The following EEPD1 variants were observed in gnomAD, a reference collection of about 807,000 sequenced individuals.
EEPD1 encodes endonuclease/exonuclease/phosphatase family domain containing 1.
In EEPD1, 17 loss-of-function variants were observed where a neutral mutation model predicts 46.3. The ratio of observed to expected loss-of-function variants is 0.37; its 90% CI spans 0.25 to 0.55. EEPD1 has a LOEUF of 0.55. Ranked by LOEUF, EEPD1 falls within the 20% of genes least tolerant of loss-of-function variation. The pLI is 0.83. For missense variants in EEPD1, 673 were observed against 745.6 expected (o/e 0.90, Z 1.13); for synonymous variants, 313 against 315.6 (o/e 0.99, Z 0.09).
Position 36,284,710 on chromosome 7 carries a change from T to G in EEPD1, c.1066T>G (p.Trp356Gly). ...QKGAGYAGFLWDAAAGMELRD... is the reference protein window; with the variant it reads ...QKGAGYAGFLGDAAAGMELRD... ...GGGAGCTGGGTATGCAGGATTCCTA[T>G]GGGACGCGGCTGCCGGCATGGAGCT... The change falls in exon 5 of 8, where the codon TGG becomes GGG. Residue 356 changes from tryptophan to glycine, a missense_variant. By Grantham distance (184) the Trp-to-Gly change is radical (BLOSUM62 -2). Coordinates refer to ENST00000242108, the MANE Select transcript of EEPD1 (RefSeq NM_030636.3). The G allele has an allele frequency of 6.2e-7, 1 of 1,612,198 alleles. No individual in the cohort carries two copies. The highest frequency in any genetic ancestry group is 8.5e-7 in the Non-Finnish European group (1 of 1,179,150).
Position 36,217,476 on chromosome 7 carries a change from CTT to C in EEPD1, c.879-21506_879-21505del, listed in dbSNP as rs571244980. ...TGGGCCAGCTTCTTTACTGCAGCCTCTTTTATCAGCAAGGTCTTCATGACCTG... is the reference window on the plus strand; with the variant it reads ...TGGGCCAGCTTCTTTACTGCAGCCTCTTATCAGCAAGGTCTTCATGACCTG... On this transcript the variant is annotated intron_variant, in intron 2 of 7. Coordinates refer to ENST00000242108, the MANE Select transcript of EEPD1 (RefSeq NM_030636.3). 7.2e-5 allele frequency among the ~76,000 whole-genome samples: 11 copies of C among 152,328 alleles called. No individual in the cohort carries two copies. In the South Asian group the frequency reaches 2.3e-3, roughly 32 times the overall value.
At chr7:36,290,996 T>C (rs1210403229) in intron 6 of EEPD1, among the ~76,000 whole-genome samples, 4 of 152,200 alleles carry the variant, frequency 2.6e-5, no homozygotes, top group African/African-American at 9.7e-5. Context: ...ACATGAGTTG[T>C]AAGAAATCCG....
At chr7:36,168,954 A>G (rs973886743) in intron 2 of EEPD1, among the ~76,000 whole-genome samples, 1 of 152,216 alleles carries the variant, frequency 6.6e-6, no homozygotes, top group Non-Finnish European at 1.5e-5. Context: ...GATATTGCTT[A>G]TAAATTGTAT....
chr7:36,195,064 A>C (rs978654637), intron 2 of EEPD1, among the ~76,000 whole-genome samples: 1 of 152,190 alleles, frequency 6.6e-6, no homozygotes, highest in Non-Finnish European at 1.5e-5. Context: ...GGTAGTGATC[A>C]GGTGTCATGG....
At chr7:36,177,347 G>T (rs1785199821) in intron 2 of EEPD1, among the ~76,000 whole-genome samples, 1 of 151,774 alleles carries the variant, frequency 6.6e-6, no homozygotes, top group Non-Finnish European at 1.5e-5. Flanking sequence ...GCTGAGGTTT[G>T]GGGTATGAAT....
At chr7:36,205,322 T>C (rs1449982786) in intron 2 of EEPD1, among the ~76,000 whole-genome samples, 1 of 152,242 alleles carries the variant, frequency 6.6e-6, no homozygotes. Context: ...TAGTCATGTA[T>C]TATTTGTATA....
At chr7:36,168,297 G>A (rs1785019725) in intron 2 of EEPD1, among the ~76,000 whole-genome samples, 1 of 152,198 alleles carries the variant, frequency 6.6e-6, no homozygotes, top group Non-Finnish European at 1.5e-5. Flanking sequence ...CTTCAGTGAG[G>A]TGAGTAAACT....
intron 6 of EEPD1, among the ~76,000 whole-genome samples, chr7:36,292,887 C>A (rs1787470442): frequency 6.6e-6 from 1 of 152,022 alleles, no homozygotes. Context: ...TTCCTCCTAG[C>A]TAATTTGGAT....
At chr7:36,240,871 C>T (rs546815468) in intron 3 of EEPD1, among the ~76,000 whole-genome samples, 215 of 152,184 alleles carry the variant, frequency 1.4e-3, no homozygotes, top group South Asian at 2.3e-3. Flanking sequence ...TCATAAGGAG[C>T]GCACAATCTG....
rs1787618267 is a variant in EEPD1 at position 36,301,211 on chromosome 7, T to A, written c.*2005T>A. ...CAAACCTCACTGGCCCTTTTGCTTT[T>A]CACGCCCAGGGCTCAGTGGCCCAGG... is the stretch of plus-strand genomic sequence containing the variant. On this transcript the variant is annotated 3_prime_UTR_variant, in exon 8 of 8. Coordinates refer to ENST00000242108, the MANE Select transcript of EEPD1 (RefSeq NM_030636.3). The A allele has an allele frequency of 6.6e-6, 1 of 152,222 alleles. No homozygotes were observed. The highest frequency in any genetic ancestry group is 6.5e-5 in the Admixed American group (1 of 15,270). The allele number at this position is 152,222 out of a possible 1,614,324, so 9.4% of individuals were successfully genotyped here.
At chr7:36,231,094 T>C (rs1257833300) in intron 2 of EEPD1, 1 of 152,206 alleles carries the variant, frequency 6.6e-6, no homozygotes, top group Non-Finnish European at 1.5e-5. Context: ...CATAGAGTTA[T>C]CCCATATCTG....
At chr7:36,206,777 A>C (rs893006778) in intron 2 of EEPD1, among the ~76,000 whole-genome samples, 9 of 152,234 alleles carry the variant, frequency 5.9e-5, no homozygotes, top group African/African-American at 2.2e-4. Context: ...GGCTGAGCAC[A>C]GTGGCTCATG....
chr7:36,257,573 G>A (rs1786846459), intron 3 of EEPD1, among the ~76,000 whole-genome samples: 1 of 151,880 alleles, frequency 6.6e-6, no homozygotes, highest in Admixed American at 6.6e-5. Flanking sequence ...TCATTAAGTT[G>A]GTCTTTGATC....
At chr7:36,159,504 G>C (rs540930989) in intron 2 of EEPD1, among the ~76,000 whole-genome samples, 1 of 152,322 alleles carries the variant, frequency 6.6e-6, no homozygotes, top group East Asian at 1.9e-4. Flanking sequence ...GCATCTGTGT[G>C]GCCTTCAGAA....
At position 36,153,352 on chromosome 7, in the gene EEPD1, T is replaced by C. The variant is rs1320775858; in HGVS notation, c.-515T>C. 1 of 152,058 alleles carries C rather than the reference T, an allele frequency of 6.6e-6. No homozygotes were observed. Among genetic ancestry groups the C allele is most frequent in the East Asian group, 2.0e-4 (1 of 5,114 alleles). The allele number at this position is 152,058 out of a possible 1,614,324, so 9.4% of individuals were successfully genotyped here. A position where few individuals can be genotyped will look rare whatever the true frequency, so the allele number is the denominator to read the frequency against. Reference sequence around the variant, plus strand: ...CCCCGCCCGAGTTGGGCGCAGGACTTTTTGCCGGGGTAAACGCAACTGCGG... The same window carrying C: ...CCCCGCCCGAGTTGGGCGCAGGACTCTTTGCCGGGGTAAACGCAACTGCGG... On this transcript the variant is annotated 5_prime_UTR_variant, in exon 1 of 8. Transcript: ENST00000242108.
At chr7:36,171,601 C>T (rs1562672823) in intron 2 of EEPD1, among the ~76,000 whole-genome samples, 2 of 152,208 alleles carry the variant, frequency 1.3e-5, no homozygotes, top group Admixed American at 6.5e-5. Context: ...TACGTGTCTC[C>T]ACCCACAGAG....
chr7:36,297,741 A>T lies in EEPD1; in HGVS notation c.1510+554A>T, dbSNP rs186194913. On this transcript the variant is annotated intron_variant, in intron 7 of 7. Transcript: ENST00000242108. Reference sequence around the variant, plus strand: ...GTCTCATATAGTGTCACAATGGGACAGGAGAAATGCTCAGTGCTCTGCAAG... The same window carrying T: ...GTCTCATATAGTGTCACAATGGGACTGGAGAAATGCTCAGTGCTCTGCAAG... 1.5e-3 allele frequency among the ~76,000 whole-genome samples: 221 copies of T among 152,338 alleles called. 2 individuals carry two copies. The highest frequency in any genetic ancestry group is 8.5e-3 in the South Asian group (41 of 4,826).
In EEPD1 at chr7:36,154,282, C is replaced by T; in HGVS notation, c.-43C>T. ...CTTCCTCCCTAGCCAGAGAGCTCTT[C>T]TGCAGTGGTGCGGCCTTCCCGGGAG... On this transcript the variant is annotated 5_prime_UTR_variant, in exon 2 of 8. Transcript: ENST00000242108. The surrounding 1 kb of genome is among the most constrained non-coding windows in gnomAD (Gnocchi z 4.2). 6.4e-7 allele frequency: 1 copy of T among 1,571,684 alleles called. No homozygotes were observed. Among genetic ancestry groups the T allele is most frequent in the Non-Finnish European group, 8.6e-7 (1 of 1,164,392 alleles).
intron 2 of EEPD1, among the ~76,000 whole-genome samples, chr7:36,224,804 C>G (rs1290996713): frequency 1.3e-5 from 2 of 152,060 alleles, no homozygotes; most frequent in Non-Finnish European, 2.9e-5. Flanking sequence ...ATATCCTAAT[C>G]CTTGGCACTT....
Sources: gnomAD v4.1 joint callset for allele counts (sites outside exome capture counted in the v4.1 genomes callset) on GRCh38, gnomAD v4.1.1 for gene constraint, Gnocchi (gnomAD v3.1) non-coding constraint, MANE v1.5 for transcripts, NCBI Gene and HGNC (gene_info 2026-07-23, HGNC 2026-07-21) for gene names.